Variants in ACAD10 observed in about 807,000 individuals in gnomAD.
ACAD10 encodes the protein acyl-CoA dehydrogenase family member 10.
In ACAD10, 112 loss-of-function variants were observed where a neutral mutation model predicts 116.8. The observed-to-expected ratio is 0.96, with a 90% confidence interval of 0.82 to 1.12. ACAD10 has a LOEUF of 1.12. ACAD10 is among the 50% of genes most tolerant of loss of function. The pLI, the probability that ACAD10 is intolerant of heterozygous loss-of-function variation, is 0.00. For missense variants in ACAD10, 1,259 were observed against 1,350.2 expected (o/e 0.93, Z 1.06); for synonymous variants, 486 against 510.6 (o/e 0.95, Z 0.65).
At chr12:111,711,771 C>T (rs530612657) in intron 5 of ACAD10, among the ~76,000 whole-genome samples, 11 of 152,290 alleles carry the variant, frequency 7.2e-5, no homozygotes, top group African/African-American at 2.6e-4. Flanking sequence ...CTTGGCTTCC[C>T]AAAGTGCTGG....
intron 2 of ACAD10, among the ~76,000 whole-genome samples, chr12:111,694,571 C>T (rs766882002): frequency 1.5e-4 from 23 of 152,266 alleles, no homozygotes; most frequent in Non-Finnish European, 2.6e-4. Flanking sequence ...TTGACTTTCT[C>T]TAGAATATCT....
chr12:111,721,765 G>C, intron 8 of ACAD10, 26 bp downstream of exon 8: 1 of 1,563,278 alleles, frequency 6.4e-7, no homozygotes, highest in Non-Finnish European at 8.7e-7. Flanking sequence ...TTTTGCTATT[G>C]CACTTTCAAG....
At chr12:111,694,163 G>A (rs537280828) in intron 2 of ACAD10, among the ~76,000 whole-genome samples, 9 of 152,284 alleles carry the variant, frequency 5.9e-5, no homozygotes, top group African/African-American at 1.9e-4. Context: ...CAGCACTGCT[G>A]ACCAAATTAC....
intron 6 of ACAD10, among the ~76,000 whole-genome samples, chr12:111,713,183 T>C (rs1888742424): frequency 6.7e-6 from 1 of 149,596 alleles, no homozygotes; most frequent in African/African-American, 2.5e-5. Flanking sequence ...TGGTGGTGGG[T>C]GCCTGTAATC....
At chr12:111,735,653 C>T (rs1366240572) in intron 11 of ACAD10, among the ~76,000 whole-genome samples, 1 of 152,062 alleles carries the variant, frequency 6.6e-6, no homozygotes, top group East Asian at 1.9e-4. Flanking sequence ...CATGGGGTTT[C>T]ACCGTGTTAG....
At chr12:111,747,825 C>G (rs976026790) in intron 16 of ACAD10, 1 of 925,396 alleles carries the variant, frequency 1.1e-6, no homozygotes, top group Non-Finnish European at 1.3e-6. Flanking sequence ...GCTTACCTCC[C>G]GGAGCCCATA....
chr12:111,729,672 A>T, intron 9 of ACAD10, 134 bp from the exon 10 acceptor site: 1 of 1,062,288 alleles, frequency 9.4e-7, no homozygotes, highest in Non-Finnish European at 1.3e-6. Context: ...TTCTCCAGTC[A>T]TAGGAACGTG....
At chr12:111,720,651 C>T (rs962894390) in intron 7 of ACAD10, among the ~76,000 whole-genome samples, 3 of 152,156 alleles carry the variant, frequency 2.0e-5, no homozygotes, top group Non-Finnish European at 4.4e-5. Context: ...CCATTTCCAT[C>T]CTTGTTTTTG....
At position 111,734,777 on chromosome 12, in the gene ACAD10, A is replaced by G. The variant is rs548468575; in HGVS notation, c.1540+709A>G. The stretch of plus-strand genomic sequence containing the variant: ...ATGTCATCTTTTCTTCTGTGTGTAT[A>G]TGTACATTTCCTAAAACAAAACAAA... On this transcript the variant is annotated intron_variant, in intron 11 of 20. Transcript: ENST00000313698. 2.8e-4 allele frequency among the ~76,000 whole-genome samples: 42 copies of G among 152,340 alleles called. 1 individual carries two copies. The highest frequency in any genetic ancestry group is 9.6e-4 in the African/African-American group (40 of 41,574).
intron 14 of ACAD10, among the ~76,000 whole-genome samples, 175 bp downstream of exon 14, chr12:111,746,459 C>T (rs566825257): frequency 2.6e-5 from 4 of 151,762 alleles, no homozygotes; most frequent in Non-Finnish European, 4.4e-5. Context: ...GAAATCTTGG[C>T]GCACTGCAAC....
At chr12:111,720,805 A>G (rs1888994196) in intron 7 of ACAD10, among the ~76,000 whole-genome samples, 1 of 150,326 alleles carries the variant, frequency 6.7e-6, no homozygotes, top group Non-Finnish European at 1.5e-5. Context: ...TTTTTTTGAG[A>G]TGGAGTCTCG....
chr12:111,723,008 C>CG (rs1889066814), intron 8 of ACAD10, among the ~76,000 whole-genome samples: 2 of 146,354 alleles, frequency 1.4e-5, no homozygotes, highest in East Asian at 2.1e-4. Flanking sequence ...GGTGGCCGGG[C>CG]GGGGGGCTGA....
chr12:111,721,558 A>G, intron 7 of ACAD10, 113 bp from the exon 8 acceptor site: 2 of 984,452 alleles, frequency 2.0e-6, no homozygotes, highest in Non-Finnish European at 3.0e-6. Context: ...ACAGAGCGAG[A>G]CTGTGTCTCA....
chr12:111,727,411 C>A (rs930910629), intron 8 of ACAD10, among the ~76,000 whole-genome samples: 1 of 151,636 alleles, frequency 6.6e-6, no homozygotes, highest in Non-Finnish European at 1.5e-5. Flanking sequence ...GTAGTCCCAG[C>A]TACTCAGGAG....
chr12:111,732,805 G>T (rs1290692592), intron 10 of ACAD10, among the ~76,000 whole-genome samples: 1 of 152,182 alleles, frequency 6.6e-6, no homozygotes, highest in Non-Finnish European at 1.5e-5. Context: ...AGTCTGACAG[G>T]GCAAGCATGT....
At position 111,753,834 on chromosome 12, in the gene ACAD10, C is replaced by T. The variant is rs756231194; in HGVS notation, c.2880C>T (p.Ile960=). The change falls in exon 19 of 21, where the codon ATC becomes ATT. Residue 960 remains isoleucine, a synonymous_variant. Coordinates refer to ENST00000313698, the MANE Select transcript of ACAD10 (RefSeq NM_025247.6). Reference sequence around the variant, plus strand: ...AGCAGGGCACAGTGCTGGCGGACATCGCGCAGTCGCGCGTGGAGATTGAGC... The same window carrying T: ...AGCAGGGCACAGTGCTGGCGGACATTGCGCAGTCGCGCGTGGAGATTGAGC... ...LVEQGTVLAD[I]AQSRVEIEQA... is the part of the protein sequence containing the mutation. The T allele has an allele frequency of 6.2e-6, 10 of 1,613,888 alleles. No homozygotes were observed. The highest frequency in any genetic ancestry group is 4.5e-5 in the East Asian group (2 of 44,896).
chr12:111,743,122 C>G (rs1337038297), intron 12 of ACAD10, among the ~76,000 whole-genome samples: 1 of 152,220 alleles, frequency 6.6e-6, no homozygotes, highest in Admixed American at 6.5e-5. Flanking sequence ...TCCAGGAGAG[C>G]TGGCTGTGAA....
In ACAD10 at chr12:111,692,843, T is replaced by C; in HGVS notation, c.134T>C (p.Val45Ala). 6.2e-7 allele frequency: 1 copy of C among 1,614,140 alleles called. No homozygotes were observed. The highest frequency in any genetic ancestry group is 8.5e-7 in the Non-Finnish European group (1 of 1,180,024). ...THLGGSTYRA[V>A]IFDMGGVLIP... ...CTTGGAGGCAGCACCTACAGAGCGG[T>C]GATTTTCGACATGGGCGGAGTTCTC... Residue 45 changes from valine to alanine, a missense_variant, in exon 2 of 21, where the codon GTG (valine) becomes GCG (alanine). By Grantham distance (64) the Val-to-Ala change is moderately conservative. Transcript: ENST00000313698.
chr12:111,745,121 C>T (rs1369085058), intron 13 of ACAD10, 78 bp downstream of exon 13: 3 of 1,457,242 alleles, frequency 2.1e-6, no homozygotes, highest in African/African-American at 2.8e-5. Flanking sequence ...TCACCTGAAC[C>T]ATCCCAGGCA....
Sources: gnomAD v4.1 joint callset for allele counts (sites outside exome capture counted in the v4.1 genomes callset) on GRCh38, gnomAD v4.1.1 for gene constraint, MANE v1.5 for transcripts, NCBI Gene and HGNC (gene_info 2026-07-23, HGNC 2026-07-21) for gene names.